ALG14: variants seen among roughly 807,000 people sequenced by gnomAD.
The protein encoded by ALG14 is UDP-N-acetylglucosamine transferase subunit ALG14.
In ALG14, 17 loss-of-function variants were observed where a neutral mutation model predicts 22.8. The observed-to-expected ratio is 0.75, with a 90% CI of 0.51 to 1.12. The LOEUF (loss-of-function observed/expected upper bound fraction) is 1.12, where lower values mean the gene tolerates loss of function less well. Among genes scored for constraint, ALG14 ranks in the 50% most tolerant of loss-of-function variants. The pLI, the probability that ALG14 is intolerant of heterozygous loss-of-function variation, is 0.00. For missense variants in ALG14, 288 were observed against 271.8 expected, an observed-to-expected ratio of 1.06 and a Z score of -0.42; for synonymous variants, 89 against 103.7, an observed-to-expected ratio of 0.86 and a Z score of 0.86.
chr1:95,049,534 C>CA (rs972416018), intron 2 of ALG14, among the ~76,000 whole-genome samples: 6 of 148,984 alleles, frequency 4.0e-5, no homozygotes, highest in African/African-American at 5.0e-5. Flanking sequence ...GACCCTGCCT[C>CA]AAAAAAAAAT....
chr1:95,072,753 C>G lies in ALG14; in HGVS notation c.136+10G>C, dbSNP rs771775941. The G allele has an allele frequency of 1.2e-6, 2 of 1,610,842 alleles. No homozygotes were observed. The highest frequency in any genetic ancestry group is 3.3e-5 in the Admixed American group (2 of 59,774). ...AACCCAAGTCCGACAGTCGCCTCCT[C>G]GATACTTACCGGACCCAGCCACTAC... On this transcript the variant is annotated intron_variant, in intron 1 of 3. Transcript: ENST00000370205.
intron 1 of ALG14, chr1:95,067,483 T>C (rs1675413488): frequency 6.6e-6 from 1 of 152,266 alleles, no homozygotes. Context: ...CTCTCTGTTA[T>C]TTAGCTTGAC....
intron 2 of ALG14, among the ~76,000 whole-genome samples, chr1:95,064,664 G>A (rs766796517): frequency 6.6e-6 from 1 of 152,046 alleles, no homozygotes; most frequent in Admixed American, 6.6e-5. Flanking sequence ...TTTTTGATGT[G>A]CTAAGCAACC....
At chr1:94,990,002 C>G (rs1173606273) in intron 3 of ALG14, among the ~76,000 whole-genome samples, 1 of 152,146 alleles carries the variant, frequency 6.6e-6, no homozygotes, top group Non-Finnish European at 1.5e-5. Flanking sequence ...CAGGGCAAAA[C>G]ATGGATGGCG....
chr1:95,049,085 C>A (rs1247018651), intron 2 of ALG14, among the ~76,000 whole-genome samples: 2 of 152,094 alleles, frequency 1.3e-5, no homozygotes, highest in African/African-American at 4.8e-5. Context: ...CCACCTCTAA[C>A]ATTCAATTAA....
chr1:95,016,942 G>GTGTGTGTGT (rs1673510013), intron 3 of ALG14, among the ~76,000 whole-genome samples: 1 of 129,296 alleles, frequency 7.7e-6, no homozygotes, highest in African/African-American at 2.9e-5. Flanking sequence ...TTGCAAAAGG[G>GTGTGTGTGT]GTGTGTGTGT....
At chr1:95,054,559 A>G (rs1037891849) in intron 2 of ALG14, among the ~76,000 whole-genome samples, 1 of 152,240 alleles carries the variant, frequency 6.6e-6, no homozygotes, top group African/African-American at 2.4e-5. Context: ...AAAATGACTA[A>G]TACAATTATG....
At chr1:95,002,598 A>G (rs1041050852) in intron 3 of ALG14, among the ~76,000 whole-genome samples, 3 of 152,240 alleles carry the variant, frequency 2.0e-5, no homozygotes, top group African/African-American at 4.8e-5. Flanking sequence ...GAAAAGTGAG[A>G]GCTGGCCTGT....
intron 2 of ALG14, among the ~76,000 whole-genome samples, chr1:95,038,873 C>G (rs1356786615): frequency 6.6e-6 from 1 of 152,052 alleles, no homozygotes; most frequent in East Asian, 1.9e-4. Context: ...CATGCCCCAT[C>G]ACATCTTGCT....
chr1:94,997,090 G>A (rs1040573537), intron 3 of ALG14, among the ~76,000 whole-genome samples: 3 of 152,202 alleles, frequency 2.0e-5, no homozygotes, highest in African/African-American at 4.8e-5. Context: ...GGGAGGTGGC[G>A]GGTGGCAAAG....
At chr1:95,028,907 T>C (rs1673909544) in intron 2 of ALG14, among the ~76,000 whole-genome samples, 1 of 152,232 alleles carries the variant, frequency 6.6e-6, no homozygotes, top group African/African-American at 2.4e-5. Context: ...TAACTTTGAA[T>C]ATGTTTAAAA....
At chr1:95,051,222 C>A (rs140551126) in intron 2 of ALG14, among the ~76,000 whole-genome samples, 1,540 of 10,916 alleles carry the variant, frequency 0.14, 23 homozygotes, top group African/African-American at 0.19. Context: ...ACCCCTCTAA[C>A]CTTCTCTGTG....
intron 3 of ALG14, chr1:95,022,421 A>C (rs1673690546): frequency 1.1e-6 from 1 of 928,820 alleles, no homozygotes; most frequent in Non-Finnish European, 1.3e-6. Context: ...GGGGATTTTC[A>C]CATCAAACCA....
chr1:95,013,041 C>G (rs1311851674), intron 3 of ALG14, among the ~76,000 whole-genome samples: 1 of 150,312 alleles, frequency 6.7e-6, no homozygotes, highest in Non-Finnish European at 1.5e-5. Context: ...GAGGCCGAGG[C>G]AGGAGAATTG....
At chr1:95,051,983 C>A (rs6674604) in intron 2 of ALG14, among the ~76,000 whole-genome samples, 35,720 of 152,062 alleles carry the variant, frequency 0.23, 4,630 homozygotes, top group African/African-American at 0.34. Flanking sequence ...TAGAATGTAG[C>A]CTCCATAAGG....
In ALG14 at chr1:95,000,176, C is replaced by T. The variant is rs12090360; in HGVS notation, c.421-16870G>A. 7.2e-3 allele frequency among the ~76,000 whole-genome samples: 1,096 copies of T among 152,194 alleles called. 31 individuals are homozygous for T. In the East Asian group the frequency reaches 0.11, roughly 15 times the overall value. ...GAAGGCTCACCTGAATTATTTTCTA[C>T]GGTAATAGAGAAGCTGCATAATATT... On this transcript the variant is annotated intron_variant, in intron 3 of 3. Transcript: ENST00000370205.
chr1:95,048,822 T>G (rs1036753131), intron 2 of ALG14, among the ~76,000 whole-genome samples: 1 of 152,278 alleles, frequency 6.6e-6, no homozygotes, highest in Non-Finnish European at 1.5e-5. Context: ...TCTCCACTCT[T>G]TGCCTTTCTA....
In ALG14 at chr1:94,978,629, C is replaced by T. The variant is rs1197107172; in HGVS notation, c.*4447G>A. 1.3e-5 allele frequency: 2 copies of T among 152,110 alleles called. No homozygotes were observed. Among genetic ancestry groups the T allele is most frequent in the African/African-American group, 4.8e-5 (2 of 41,410 alleles). 9.4% of individuals were successfully genotyped at this position (152,110 alleles called of 1,614,324 possible). A position where few individuals can be genotyped will look rare whatever the true frequency, so the allele number is the denominator to read the frequency against. The stretch of plus-strand genomic sequence containing the variant: ...AGAATTTGCTCAAGCTAAATGAAGA[C>T]AAAGACTTTGTGGGTGGGGCAAAAT... On this transcript the variant is annotated 3_prime_UTR_variant, in exon 4 of 4. Transcript: ENST00000370205.
intron 2 of ALG14, among the ~76,000 whole-genome samples, chr1:95,038,088 T>C (rs1201556000): frequency 6.6e-6 from 1 of 152,192 alleles, no homozygotes; most frequent in African/African-American, 2.4e-5. Context: ...ACACCTGTAA[T>C]CCCAGCACTT....
Sources: allele counts gnomAD v4.1 joint callset (sites outside exome capture counted in the v4.1 genomes callset), GRCh38; gene constraint gnomAD v4.1.1; transcripts MANE v1.5; gene names NCBI Gene and HGNC (gene_info 2026-07-23, HGNC 2026-07-21).